EDIL3: variants seen among roughly 807,000 people sequenced by gnomAD.
EDIL3 encodes the protein EGF like and discoidin domains 3, also known as EGF-like repeat and discoidin I-like domain-containing protein 3.
In EDIL3, 37 loss-of-function variants were observed where a neutral mutation model predicts 67.4. The observed-to-expected ratio is 0.55, with a 90% CI of 0.42 to 0.72. The LOEUF (loss-of-function observed/expected upper bound fraction) is 0.72, where lower values mean the gene tolerates loss of function less well. EDIL3 is among the 30% of genes least tolerant of loss of function. The pLI is 0.00. For missense variants in EDIL3, 527 were observed against 586.3 expected, an observed-to-expected ratio of 0.90 and a Z score of 1.04; for synonymous variants, 195 against 196.3, an observed-to-expected ratio of 0.99 and a Z score of 0.05.
intron 1 of EDIL3, among the ~76,000 whole-genome samples, chr5:84,370,219 C>T (rs1229789996): frequency 6.6e-6 from 1 of 152,128 alleles, no homozygotes; most frequent in Non-Finnish European, 1.5e-5. Context: ...GGTAGAAATA[C>T]AGTTGCCTAA....
chr5:83,993,724 A>G (rs1018019645), intron 9 of EDIL3, among the ~76,000 whole-genome samples: 1 of 152,172 alleles, frequency 6.6e-6, no homozygotes, highest in Non-Finnish European at 1.5e-5. Context: ...TTTTGTAAAC[A>G]CAGATCATCT....
chr5:84,193,942 G>T (rs1743644447), intron 3 of EDIL3, among the ~76,000 whole-genome samples: 1 of 151,972 alleles, frequency 6.6e-6, no homozygotes, highest in East Asian at 1.9e-4. Context: ...AGGAGAAAAT[G>T]TTCTCCTTTA....
intron 1 of EDIL3, among the ~76,000 whole-genome samples, chr5:84,264,939 TTAC>T (rs1281578195): frequency 7.2e-5 from 11 of 152,208 alleles, no homozygotes; most frequent in Non-Finnish European, 1.6e-4. Flanking sequence ...TTGTGAATTC[TTAC>T]TTTTTCTAAG....
chr5:84,269,903 A>G (rs1745428723), intron 1 of EDIL3, among the ~76,000 whole-genome samples: 1 of 152,182 alleles, frequency 6.6e-6, no homozygotes, highest in South Asian at 2.1e-4. Context: ...TATACAGCAA[A>G]TGATGAGAAT....
intron 6 of EDIL3, among the ~76,000 whole-genome samples, chr5:84,087,401 T>A (rs773865423): frequency 6.6e-6 from 1 of 152,202 alleles, no homozygotes; most frequent in Non-Finnish European, 1.5e-5. Flanking sequence ...GAACATCCTC[T>A]TCCTTCACCA....
chr5:84,117,918 TA>T (rs1747700675), intron 5 of EDIL3, among the ~76,000 whole-genome samples: 3 of 152,248 alleles, frequency 2.0e-5, no homozygotes, highest in African/African-American at 4.8e-5. Context: ...ATTTCATTTC[TA>T]AAAAATTTTG....
intron 1 of EDIL3, among the ~76,000 whole-genome samples, chr5:84,376,922 A>G (rs183062327): frequency 2.0e-5 from 3 of 152,374 alleles, no homozygotes; most frequent in Admixed American, 6.5e-5. Context: ...ACATTCCAGA[A>G]AAGTTAGCGT....
chr5:84,231,582 A>G (rs1331357318), intron 2 of EDIL3, among the ~76,000 whole-genome samples: 2 of 148,748 alleles, frequency 1.3e-5, no homozygotes, highest in Non-Finnish European at 3.0e-5. Context: ...ACATCTGCGC[A>G]GAGTACACAT....
chr5:84,247,640 T>C (rs534855329), intron 2 of EDIL3, among the ~76,000 whole-genome samples: 97 of 152,194 alleles, frequency 6.4e-4, no homozygotes, highest in African/African-American at 2.2e-3. Context: ...GAATCTGAAT[T>C]TGTGGTAGAA....
At chr5:84,248,126 A>G (rs991224230) in intron 2 of EDIL3, among the ~76,000 whole-genome samples, 1 of 152,216 alleles carries the variant, frequency 6.6e-6, no homozygotes, top group Non-Finnish European at 1.5e-5. Flanking sequence ...AAATAAATAG[A>G]CAAATGTTTG....
chr5:84,137,233 A>C lies in EDIL3; in HGVS notation c.469+8T>G, dbSNP rs758131654. On this transcript the variant is annotated splice_region_variant and intron_variant, in intron 5 of 10. Coordinates refer to ENST00000296591, the MANE Select transcript of EDIL3 (RefSeq NM_005711.5). Reference sequence around the variant, plus strand: ...CACACACACACATACACACACGTGAATACTTACTGTATTGACAATTTCTTC... The same window carrying C: ...CACACACACACATACACACACGTGACTACTTACTGTATTGACAATTTCTTC... 54 of 1,600,326 alleles carry C rather than the reference A, an allele frequency of 3.4e-5. No homozygotes were observed. Among genetic ancestry groups the C allele is most frequent in the Non-Finnish European group, 4.4e-5 (52 of 1,169,294 alleles).
At chr5:84,328,810 A>G (rs1433288946) in intron 1 of EDIL3, among the ~76,000 whole-genome samples, 3 of 152,120 alleles carry the variant, frequency 2.0e-5, no homozygotes, top group Non-Finnish European at 4.4e-5. Context: ...CTGTAAGATT[A>G]TTTCAATTGG....
chr5:84,232,152 C>T (rs991536), intron 2 of EDIL3, among the ~76,000 whole-genome samples: 124,434 of 152,134 alleles, frequency 0.82, 51,427 homozygotes, highest in East Asian at 0.95. Context: ...CAGAGTTTAC[C>T]GAAATTCACT....
intron 4 of EDIL3, among the ~76,000 whole-genome samples, chr5:84,149,973 A>G (rs781677157): frequency 6.6e-6 from 1 of 152,116 alleles, no homozygotes; most frequent in Non-Finnish European, 1.5e-5. Flanking sequence ...TAGTTAGTCT[A>G]AAATAGATGT....
intron 1 of EDIL3, among the ~76,000 whole-genome samples, chr5:84,368,919 A>G (rs1747792123): frequency 6.6e-6 from 1 of 152,102 alleles, no homozygotes; most frequent in Non-Finnish European, 1.5e-5. Context: ...AACTAAAATG[A>G]GATACCATTT....
At chr5:84,162,364 T>A (rs1235500483) in intron 4 of EDIL3, among the ~76,000 whole-genome samples, 1 of 152,082 alleles carries the variant, frequency 6.6e-6, no homozygotes, top group Non-Finnish European at 1.5e-5. Context: ...AACTGGGAAG[T>A]GAGTTAAGGC....
chr5:84,077,490 G>T (rs2112253948), intron 6 of EDIL3, among the ~76,000 whole-genome samples: 1 of 152,248 alleles, frequency 6.6e-6, no homozygotes, highest in Middle Eastern at 3.4e-3. Flanking sequence ...GGCTCACATG[G>T]CAGAAGGCGA....
intron 2 of EDIL3, among the ~76,000 whole-genome samples, chr5:84,235,659 G>T (rs1744667980): frequency 6.6e-6 from 1 of 151,880 alleles, no homozygotes; most frequent in African/African-American, 2.4e-5. Flanking sequence ...TGAAAGAAAA[G>T]ATACACAAAT....
intron 1 of EDIL3, among the ~76,000 whole-genome samples, chr5:84,299,340 T>G (rs1355768387): frequency 1.2e-5 from 1 of 84,118 alleles, no homozygotes; most frequent in Non-Finnish European, 3.5e-5. Context: ...TCAGCATTAT[T>G]TTTTATATTT....
Sources: allele counts gnomAD v4.1 joint callset (sites outside exome capture counted in the v4.1 genomes callset), GRCh38; gene constraint gnomAD v4.1.1; transcripts MANE v1.5; gene names NCBI Gene and HGNC (gene_info 2026-07-23, HGNC 2026-07-21).